Variants in MTR observed in about 807,000 individuals in gnomAD.
MTR encodes the protein methionine synthase.
Under a neutral mutation model 154.8 loss-of-function variants are expected in MTR, and 84 were observed. That is an observed-to-expected ratio of 0.54 (90% CI 0.45 to 0.65). The LOEUF (loss-of-function observed/expected upper bound fraction) is 0.65. Ranked by LOEUF, MTR falls within the 30% of genes least tolerant of loss-of-function variation. The pLI is 0.00. For missense variants in MTR, 1,275 were observed against 1,570.2 expected (o/e 0.81, Z 3.18); for synonymous variants, 554 against 553.9 (o/e 1.00, Z 0.00).
rs1229932308 is a variant in MTR, at chr1:236,829,924, T to C, written c.1075+656T>C. On this transcript the variant is annotated intron_variant, in intron 12 of 32. Transcript: ENST00000366577. ...TTCATGATGTATTAAATGGTAACTTTAAGCAGAAAAAGTATGATTTTTAGA... is the reference window on the plus strand; with the variant it reads ...TTCATGATGTATTAAATGGTAACTTCAAGCAGAAAAAGTATGATTTTTAGA... Among the ~76,000 whole-genome samples the C allele has an allele frequency of 5.9e-5, 9 of 152,360 alleles. No homozygotes were observed. The East Asian group carries it at 1.7e-3, about 29-fold the overall frequency.
intron 8 of MTR, among the ~76,000 whole-genome samples, chr1:236,822,106 T>G (rs1350445903): frequency 1.3e-5 from 2 of 152,192 alleles, no homozygotes; most frequent in Non-Finnish European, 2.9e-5. Flanking sequence ...TGCTGGGATT[T>G]TCATTGGGAT....
intron 21 of MTR, among the ~76,000 whole-genome samples, chr1:236,862,899 T>C (rs369151193): frequency 3.9e-5 from 6 of 152,228 alleles, no homozygotes; most frequent in Non-Finnish European, 7.3e-5. Context: ...ATTTTTAAAT[T>C]GATCTGTTTG....
intron 31 of MTR, among the ~76,000 whole-genome samples, chr1:236,896,714 T>G (rs1666644346): frequency 6.6e-6 from 1 of 152,144 alleles, no homozygotes; most frequent in African/African-American, 2.4e-5. Context: ...AGGAGCAAAT[T>G]AGGGCACCTG....
In MTR at chr1:236,897,670, A is replaced by G. The variant is rs753377721; in HGVS notation, c.*26A>G. ...CTTTTTTTTTTTTTTTGCCTTTTTT[A>G]TTCTTGATGATCCTCAAGGAAATAC... On this transcript the variant is annotated 3_prime_UTR_variant, in exon 33 of 33. Coordinates refer to ENST00000366577, the MANE Select transcript of MTR (RefSeq NM_000254.3). 3.9e-6 allele frequency: 6 copies of G among 1,522,552 alleles called. No homozygotes were observed. Among genetic ancestry groups the G allele is most frequent in the Non-Finnish European group, 5.4e-6 (6 of 1,120,396 alleles). The allele number at this position is 1,522,552 out of a possible 1,614,324, so 94.3% of individuals were successfully genotyped here.
At chr1:236,860,066 GCTGCCCC>G (rs1558317013) in intron 19 of MTR, 144 bp downstream of exon 19, 1 of 290,724 alleles carries the variant, frequency 3.4e-6, no homozygotes, top group Non-Finnish European at 6.3e-6. Context: ...CTGTCCCCCA[GCTGCCCC>G]CCCCCCCCCC....
chr1:236,888,243 C>T (rs555203935), intron 27 of MTR, among the ~76,000 whole-genome samples: 4 of 152,296 alleles, frequency 2.6e-5, no homozygotes, highest in South Asian at 2.1e-4. Context: ...GGCTCGGATA[C>T]GGCAATGGAG....
At chr1:236,822,212 C>T (rs1466389257) in intron 8 of MTR, among the ~76,000 whole-genome samples, 2 of 148,864 alleles carry the variant, frequency 1.3e-5, no homozygotes, top group African/African-American at 2.5e-5. Flanking sequence ...TTTAGATCCA[C>T]TTTGATATCT....
At chr1:236,821,866 G>A (rs940451787) in intron 8 of MTR, among the ~76,000 whole-genome samples, 1 of 152,202 alleles carries the variant, frequency 6.6e-6, no homozygotes, top group African/African-American at 2.4e-5. Context: ...TTAGTTGAAT[G>A]TATTTGTGTG....
At chr1:236,850,117 C>A (rs1209803856) in intron 15 of MTR, among the ~76,000 whole-genome samples, 1 of 152,062 alleles carries the variant, frequency 6.6e-6, no homozygotes, top group Non-Finnish European at 1.5e-5. Context: ...ACCAGTCTCT[C>A]CTCTGAGATA....
intron 32 of MTR, among the ~76,000 whole-genome samples, 182 bp downstream of exon 32, chr1:236,897,300 C>CCACACACACACA (rs1553331006): frequency 3.3e-5 from 1 of 30,714 alleles, no homozygotes; most frequent in Non-Finnish European, 8.4e-5. Flanking sequence ...TACATGCAAG[C>CCACACACACACA]CACACACACG....
At chr1:236,806,806 T>A (rs1173761775) in intron 3 of MTR, among the ~76,000 whole-genome samples, 1 of 152,212 alleles carries the variant, frequency 6.6e-6, no homozygotes, top group African/African-American at 2.4e-5. Context: ...AATTTGACTA[T>A]TCTAGGTACC....
At chr1:236,827,393 T>C (rs1168731458) in intron 11 of MTR, among the ~76,000 whole-genome samples, 1 of 152,232 alleles carries the variant, frequency 6.6e-6, no homozygotes, top group African/African-American at 2.4e-5. Flanking sequence ...AATAATAAAA[T>C]GGACCTCTAT....
At position 236,890,136 on chromosome 1, in the gene MTR, C is replaced by T. The variant is rs188364684; in HGVS notation, c.3007+800C>T. ...AGGAGCCTAGAAACCAGCCTTTTGC[C>T]AAGTTTCCCACGGGGGGGCGTGCCT... On this transcript the variant is annotated intron_variant, in intron 28 of 32. Transcript: ENST00000366577. Among the ~76,000 whole-genome samples the T allele has an allele frequency of 5.9e-3, 849 of 144,972 alleles. 11 individuals are homozygous for T. The highest frequency in any genetic ancestry group is 0.019 in the African/African-American group (798 of 40,990).
chr1:236,826,086 C>T (rs1254550461), intron 10 of MTR, among the ~76,000 whole-genome samples: 1 of 152,116 alleles, frequency 6.6e-6, no homozygotes, highest in Admixed American at 6.5e-5. Flanking sequence ...CATATGTAGC[C>T]ACTACCATAT....
Position 236,897,063 on chromosome 1 carries a change from AC to A in MTR, c.3657del (p.Phe1220SerfsTer4). The A allele has an allele frequency of 6.2e-7, 1 of 1,614,136 alleles. No homozygotes were observed. The highest frequency in any genetic ancestry group is 1.1e-5 in the South Asian group (1 of 91,080). On this transcript the variant is annotated frameshift_variant, in exon 32 of 33. Coordinates refer to ENST00000366577, the MANE Select transcript of MTR (RefSeq NM_000254.3). LOFTEE classifies it high-confidence loss of function. The part of the protein sequence containing the change: ...MAPASAVSGL[Y>X]FSNLKSKYFA... Reference sequence around the variant, plus strand: ...CCTGCTTCAGCAGTCTCAGGCCTCTACTTCTCCAATTTGAAGTCCAAATATT... The same window carrying A: ...CCTGCTTCAGCAGTCTCAGGCCTCTATTCTCCAATTTGAAGTCCAAATATT...
chr1:236,823,403 C>T (rs895437749), intron 8 of MTR, among the ~76,000 whole-genome samples: 3 of 152,154 alleles, frequency 2.0e-5, no homozygotes, highest in African/African-American at 7.2e-5. Flanking sequence ...TTCCAGTTTT[C>T]AGATTAGGGA....
chr1:236,891,668 C>T (rs1255933330), intron 29 of MTR, among the ~76,000 whole-genome samples: 1 of 152,112 alleles, frequency 6.6e-6, no homozygotes, highest in East Asian at 1.9e-4. Flanking sequence ...CTCACTTGTT[C>T]AAAAACGTAG....
At chr1:236,854,544 G>T (rs1294772267) in intron 18 of MTR, among the ~76,000 whole-genome samples, 1 of 152,154 alleles carries the variant, frequency 6.6e-6, no homozygotes, top group Non-Finnish European at 1.5e-5. Flanking sequence ...TACCTAGTAG[G>T]GGGTCCTTCA....
intron 22 of MTR, among the ~76,000 whole-genome samples, chr1:236,871,719 A>C (rs1665144596): frequency 6.6e-6 from 1 of 152,232 alleles, no homozygotes; most frequent in African/African-American, 2.4e-5. Context: ...CAGTGGTTAT[A>C]CATCATTAAC....
Sources: gnomAD v4.1 joint callset for allele counts (sites outside exome capture counted in the v4.1 genomes callset) on GRCh38, gnomAD v4.1.1 for gene constraint, MANE v1.5 for transcripts, NCBI Gene and HGNC (gene_info 2026-07-23, HGNC 2026-07-21) for gene names.